CCZ1B: variants seen among roughly 807,000 people sequenced by gnomAD.
CCZ1B encodes CCZ1B vacuolar protein trafficking and biogenesis associated, also known as vacuolar fusion protein CCZ1 homolog B.
A neutral mutation model predicts 58.8 loss-of-function variants in CCZ1B; 25 were observed. That is an observed-to-expected ratio of 0.43 (90% CI 0.31 to 0.59). The LOEUF is 0.59. CCZ1B is among the 20% of genes least tolerant of loss of function. The pLI is 0.12. For missense variants in CCZ1B, 180 were observed against 501.5 expected (o/e 0.36, Z 6.12); for synonymous variants, 66 against 173.2 (o/e 0.38, Z 4.86).
intron 11 of CCZ1B, 41 bp downstream of exon 11, chr7:6,805,962 AC>A: frequency 1.1e-6 from 1 of 948,512 alleles, no homozygotes; most frequent in Non-Finnish European, 1.6e-6. Flanking sequence ...GCAGCAAAGT[AC>A]AAAAAGCTTA....
intron 12 of CCZ1B, among the ~76,000 whole-genome samples, chr7:6,803,965 C>CAAAA (rs989113872): frequency 1.4e-5 from 2 of 141,626 alleles, no homozygotes; most frequent in Non-Finnish European, 3.1e-5. Context: ...AAAAAAAACC[C>CAAAA]AAAAAACAAC....
chr7:6,809,420 C>T (rs1782885672), intron 10 of CCZ1B, among the ~76,000 whole-genome samples: 1 of 144,702 alleles, frequency 6.9e-6, no homozygotes, highest in African/African-American at 2.7e-5. Context: ...CATCACACCC[C>T]ACAATATGTC....
In CCZ1B at chr7:6,823,276, G is replaced by T. The variant is rs780512313; in HGVS notation, c.438+37C>A. 77 of 1,604,138 alleles carry T rather than the reference G, an allele frequency of 4.8e-5. 8 individuals carry two copies. The Admixed American group carries it at 1.3e-3, about 27-fold the overall frequency. On this transcript the variant is annotated intron_variant, in intron 5 of 14. Coordinates refer to ENST00000316731, the MANE Select transcript of CCZ1B (RefSeq NM_198097.5). The stretch of plus-strand genomic sequence containing the variant: ...CTGGAGCCTAGAGATAGGGGTAAGT[G>T]GTTGGACTCTGAGTTGAGAAAGAAC...
At chr7:6,825,280 C>T (rs1162626359) in intron 1 of CCZ1B, among the ~76,000 whole-genome samples, 1 of 146,680 alleles carries the variant, frequency 6.8e-6, no homozygotes, top group Admixed American at 6.8e-5. Context: ...CTGTGCTGCC[C>T]AGGCTGTAGT....
rs1193148453 is a variant in CCZ1B at position 6,804,142 on chromosome 7, T to A, written c.1106+796A>T. Among the ~76,000 whole-genome samples the A allele has an allele frequency of 2.7e-5, 4 of 149,914 alleles. No individual in the cohort carries two copies. In the South Asian group the frequency reaches 8.8e-4, roughly 33 times the overall value. ...ATTTTATATTGAGAAAAGATAGGCA[T>A]GGCCGGGTGCGGTAGCTCACACCTG... is the stretch of plus-strand genomic sequence containing the variant. On this transcript the variant is annotated intron_variant, in intron 12 of 14. Coordinates refer to ENST00000316731, the MANE Select transcript of CCZ1B (RefSeq NM_198097.5).
intron 1 of CCZ1B, among the ~76,000 whole-genome samples, chr7:6,825,291 G>A (rs1783177366): frequency 6.8e-6 from 1 of 146,222 alleles, no homozygotes. Flanking sequence ...AGGCTGTAGT[G>A]CAGTGGCGCT....
rs376012963 is a variant in CCZ1B, at chr7:6,816,274, A to G, written c.699-1429T>C. On this transcript the variant is annotated intron_variant, in intron 7 of 14. Transcript: ENST00000316731. ...GTGAGCAGATCACCTAAGGTCAGGGATTCAACACCAGCCTGGCCAACATGG... is the reference window on the plus strand; with the variant it reads ...GTGAGCAGATCACCTAAGGTCAGGGGTTCAACACCAGCCTGGCCAACATGG... Among the ~76,000 whole-genome samples the G allele has an allele frequency of 4.6e-4, 66 of 144,810 alleles. 1 individual carries two copies. Among genetic ancestry groups the G allele is most frequent in the Middle Eastern group, 3.5e-3 (1 of 288 alleles).
chr7:6,810,968 G>A (rs542332618), intron 10 of CCZ1B, among the ~76,000 whole-genome samples: 89 of 150,880 alleles, frequency 5.9e-4, no homozygotes, highest in African/African-American at 2.1e-3. Flanking sequence ...AGAATGAGCA[G>A]GGCCTCATTC....
intron 14 of CCZ1B, among the ~76,000 whole-genome samples, chr7:6,800,722 T>C (rs1782753939): frequency 7.0e-6 from 1 of 143,292 alleles, no homozygotes; most frequent in Non-Finnish European, 1.5e-5. Flanking sequence ...TTTTTTAGAA[T>C]TGTAGAAAAT....
chr7:6,808,584 T>C (rs1782870282), intron 10 of CCZ1B, among the ~76,000 whole-genome samples: 1 of 150,334 alleles, frequency 6.7e-6, no homozygotes, highest in Non-Finnish European at 1.5e-5. Context: ...CATTCTTCCT[T>C]CCCCCTGGTT....
intron 8 of CCZ1B, among the ~76,000 whole-genome samples, chr7:6,814,133 C>T (rs951905007): frequency 4.1e-5 from 6 of 147,664 alleles, no homozygotes; most frequent in East Asian, 1.9e-4. Flanking sequence ...GCGAAAAGAA[C>T]GAAACTCTGT....
intron 5 of CCZ1B, among the ~76,000 whole-genome samples, chr7:6,822,893 A>T (rs1783133849): frequency 6.8e-6 from 1 of 146,266 alleles, no homozygotes; most frequent in South Asian, 2.2e-4. Context: ...TTTTGTAGAG[A>T]TGGGGTCTTG....
chr7:6,811,252 C>T (rs1447390479), intron 10 of CCZ1B, among the ~76,000 whole-genome samples: 1 of 150,602 alleles, frequency 6.6e-6, no homozygotes, highest in African/African-American at 2.5e-5. Context: ...TGCCTTAGCA[C>T]AGGGTTGCCA....
chr7:6,816,582 A>G (rs1425792604), intron 7 of CCZ1B, among the ~76,000 whole-genome samples: 2 of 151,118 alleles, frequency 1.3e-5, no homozygotes, highest in East Asian at 1.9e-4. Context: ...TGGTAGAGAC[A>G]GAGCCTCATT....
In CCZ1B at chr7:6,806,013, T is replaced by TAA. The variant is rs751727124; in HGVS notation, c.977_978dup (p.Met327LeufsTer2). On this transcript the variant is annotated frameshift_variant, in exon 11 of 15. Coordinates refer to ENST00000316731, the MANE Select transcript of CCZ1B (RefSeq NM_198097.5). LOFTEE classifies it high-confidence loss of function. ...AAAGGCGCGTACCCACCGTCGATCA[T>TAA]AAAGCACACAGCCGCACTCATGGCC... is the stretch of plus-strand genomic sequence containing the variant. 9 of 1,336,728 alleles carry TAA rather than the reference T, an allele frequency of 6.7e-6. No homozygotes were observed. Among genetic ancestry groups the TAA allele is most frequent in the Non-Finnish European group, 9.6e-6 (9 of 942,186 alleles). 82.8% of individuals were successfully genotyped at this position (1,336,728 alleles called of 1,614,324 possible).
intron 6 of CCZ1B, 136 bp downstream of exon 6, chr7:6,822,145 G>A (rs1018792965): frequency 1.4e-5 from 18 of 1,332,338 alleles, no homozygotes; most frequent in South Asian, 5.8e-5. Context: ...CCAGTTTTGC[G>A]ACGGTCTGTC....
At chr7:6,808,456 TAGA>T (rs1484175766) in intron 10 of CCZ1B, among the ~76,000 whole-genome samples, 1 of 144,610 alleles carries the variant, frequency 6.9e-6, no homozygotes, top group Non-Finnish European at 1.5e-5. Flanking sequence ...CTAAAGCAAA[TAGA>T]AGGACTCCTG....
intron 12 of CCZ1B, among the ~76,000 whole-genome samples, chr7:6,804,095 T>C (rs1321430815): frequency 6.6e-6 from 1 of 151,038 alleles, no homozygotes; most frequent in African/African-American, 2.4e-5. Context: ...TTCCATCGCC[T>C]CACTTTCACT....
rs1783123697 is a variant in CCZ1B, at chr7:6,822,245, C to T, written c.522+36G>A. The T allele has an allele frequency of 1.9e-6, 3 of 1,559,102 alleles. 1 individual carries two copies. The highest frequency in any genetic ancestry group is 2.6e-6 in the Non-Finnish European group (3 of 1,158,668). ...TATTTCTCTAAAAACCTGATGAATG[C>T]TTAGTAAAGTTATAAATGAAATTCA... is the stretch of plus-strand genomic sequence containing the variant. On this transcript the variant is annotated intron_variant, in intron 6 of 14. Coordinates refer to ENST00000316731, the MANE Select transcript of CCZ1B (RefSeq NM_198097.5).
Sources: gnomAD v4.1 joint callset for allele counts (sites outside exome capture counted in the v4.1 genomes callset) on GRCh38, gnomAD v4.1.1 for gene constraint, MANE v1.5 for transcripts, NCBI Gene and HGNC (gene_info 2026-07-23, HGNC 2026-07-21) for gene names.